The following OPN5 variants were observed in gnomAD, a reference collection of about 807,000 sequenced individuals.
The protein encoded by OPN5 is opsin-5.
A neutral mutation model predicts 41.7 loss-of-function variants in OPN5; 18 were observed. That is an observed-to-expected ratio of 0.43 (90% confidence interval 0.30 to 0.64). The LOEUF (loss-of-function observed/expected upper bound fraction) is 0.64, where lower values mean the gene tolerates loss of function less well. Ranked by LOEUF, OPN5 falls within the 30% of genes least tolerant of loss-of-function variation. The probability of loss-of-function intolerance (pLI) is 0.13; values close to 1 mark genes in which losing one functional copy is unlikely to be tolerated. For synonymous variants in OPN5, 178 were observed against 164.3 expected, an observed-to-expected ratio of 1.08 and a Z score of -0.64; for missense variants, 318 against 434.5, an observed-to-expected ratio of 0.73 and a Z score of 2.38.
At position 47,813,107 on chromosome 6, in the gene OPN5, C is replaced by CAA. The variant is rs748382327; in HGVS notation, c.1056+1377_1056+1378dup. ...ACAACAACAACAACAACAACAACAA[C>CAA]AACAACAAGCAACAACTCTGCTTGG... On this transcript the variant is annotated intron_variant, in intron 6 of 6. Transcript: ENST00000371211. 2.7e-5 allele frequency among the ~76,000 whole-genome samples: 3 copies of CAA among 111,736 alleles called. No individual in the cohort carries two copies. In the South Asian group the frequency reaches 8.5e-4, roughly 32 times the overall value. The allele number at this position is 111,736 out of a possible 152,430, so 73.3% of individuals were successfully genotyped here.
intron 4 of OPN5, 99 bp from the exon 5 acceptor site, chr6:47,808,055 C>G: frequency 9.2e-7 from 1 of 1,086,632 alleles, no homozygotes; most frequent in Non-Finnish European, 1.4e-6. Context: ...ACTTTCTTGG[C>G]TGTGAGAGGT....
At chr6:47,826,078 T>C (rs1414524827), downstream of OPN5, 1 of 152,280 alleles carries the variant, frequency 6.6e-6, no homozygotes, top group African/African-American at 2.4e-5. Flanking sequence ...TTAATATCTT[T>C]TAAAAAATTT....
intron 6 of OPN5, among the ~76,000 whole-genome samples, chr6:47,816,233 G>A (rs1367687349): frequency 6.6e-6 from 1 of 152,104 alleles, no homozygotes; most frequent in Non-Finnish European, 1.5e-5. Flanking sequence ...GTTCCTTAGG[G>A]ATTTGAGGGC....
At chr6:47,791,994 T>C (rs762809295) in intron 3 of OPN5, 22 bp downstream of exon 3, 4 of 1,585,542 alleles carry the variant, frequency 2.5e-6, no homozygotes, top group Non-Finnish European at 3.5e-6. Flanking sequence ...GGTTTCTCAT[T>C]CCCTGACAGT....
intron 6 of OPN5, among the ~76,000 whole-genome samples, chr6:47,812,149 G>T (rs1762262489): frequency 6.6e-6 from 1 of 152,052 alleles, no homozygotes; most frequent in South Asian, 2.1e-4. Flanking sequence ...CATGTATGTT[G>T]GGCCATGGCT....
rs1475109990 is a variant in OPN5, at chr6:47,823,933, C to T, written c.1057-50C>T. 2.8e-6 allele frequency: 4 copies of T among 1,451,800 alleles called. No individual in the cohort carries two copies. The Admixed American group carries it at 5.9e-5, about 21-fold the overall frequency. 89.9% of individuals were successfully genotyped at this position (1,451,800 alleles called of 1,614,324 possible). ...TGAATTTAGTTTTGGACTTTCTCCA[C>T]TTACTGGCTGTGTGCCTCACCCTAA... On this transcript the variant is annotated intron_variant, in intron 6 of 6. Coordinates refer to ENST00000371211, the Ensembl canonical transcript of OPN5.
At chr6:47,789,616 G>GCC (rs1308891749) in intron 2 of OPN5, among the ~76,000 whole-genome samples, 2 of 152,108 alleles carry the variant, frequency 1.3e-5, no homozygotes, top group African/African-American at 4.8e-5. Context: ...TCATATGAGG[G>GCC]CACCTAGTCT....
chr6:47,792,895 T>C (rs1773425534), intron 3 of OPN5, among the ~76,000 whole-genome samples: 1 of 152,136 alleles, frequency 6.6e-6, no homozygotes, highest in Admixed American at 6.5e-5. Flanking sequence ...ATTGTTATAG[T>C]TTACATCCCC....
At chr6:47,795,653 A>T in intron 4 of OPN5, 90 bp downstream of exon 4, 2 of 849,686 alleles carry the variant, frequency 2.4e-6, no homozygotes, top group Non-Finnish European at 3.8e-6. Flanking sequence ...GACTGAGAGA[A>T]CTTAGAATCT....
intron 3 of OPN5, 66 bp downstream of exon 3, chr6:47,792,038 A>C (rs1040291158): frequency 9.0e-7 from 1 of 1,112,542 alleles, no homozygotes; most frequent in African/African-American, 1.6e-5. Context: ...AGAACTGTAC[A>C]TATTTTATGC....
chr6:47,795,832 T>A (rs952300629), intron 4 of OPN5, among the ~76,000 whole-genome samples: 3 of 151,156 alleles, frequency 2.0e-5, no homozygotes, highest in African/African-American at 7.3e-5. Context: ...TCTACAAAAT[T>A]TGTATAACCC....
intron 2 of OPN5, among the ~76,000 whole-genome samples, chr6:47,790,790 C>T (rs1029059595): frequency 3.9e-5 from 6 of 152,102 alleles, no homozygotes; most frequent in African/African-American, 1.4e-4. Context: ...GTAGCTAGTT[C>T]ACTGCTTCTC....
chr6:47,792,456 G>T (rs565137098), intron 3 of OPN5, among the ~76,000 whole-genome samples: 83 of 152,310 alleles, frequency 5.4e-4, no homozygotes, highest in African/African-American at 2.0e-3. Context: ...GTTTCTGCAT[G>T]AAAGGACACA....
intron 4 of OPN5, among the ~76,000 whole-genome samples, chr6:47,801,776 C>T (rs1264681232): frequency 6.6e-6 from 1 of 151,218 alleles, no homozygotes; most frequent in East Asian, 2.0e-4. Context: ...TTCTTTGTTA[C>T]CACTACTTGA....
chr6:47,824,882 T>C (rs975995350), downstream of OPN5: 1 of 152,186 alleles, frequency 6.6e-6, no homozygotes, highest in African/African-American at 2.4e-5. Context: ...AAAATAGCTT[T>C]TTCCCTTCTT....
intron 6 of OPN5, among the ~76,000 whole-genome samples, chr6:47,814,106 A>C (rs892549214): frequency 6.6e-6 from 1 of 152,150 alleles, no homozygotes; most frequent in Non-Finnish European, 1.5e-5. Flanking sequence ...TAGAACAAAA[A>C]TGCTAAAAGA....
intron 4 of OPN5, among the ~76,000 whole-genome samples, chr6:47,804,218 G>C (rs1773877626): frequency 6.6e-6 from 1 of 152,076 alleles, no homozygotes; most frequent in Non-Finnish European, 1.5e-5. Flanking sequence ...CATGTACCCT[G>C]TGAATTTCCG....
At chr6:47,805,703 T>A (rs566625439) in intron 4 of OPN5, among the ~76,000 whole-genome samples, 1 of 152,224 alleles carries the variant, frequency 6.6e-6, no homozygotes, top group African/African-American at 2.4e-5. Flanking sequence ...GAAAAACACA[T>A]CCAATTAACT....
intron 2 of OPN5, among the ~76,000 whole-genome samples, chr6:47,789,302 A>C (rs1773292350): frequency 6.6e-6 from 1 of 152,132 alleles, no homozygotes; most frequent in Non-Finnish European, 1.5e-5. Flanking sequence ...CTTTATGTAA[A>C]ACAACAGTTT....
Sources: allele counts gnomAD v4.1 joint callset (sites outside exome capture counted in the v4.1 genomes callset), GRCh38; gene constraint gnomAD v4.1.1; transcripts MANE v1.5; gene names NCBI Gene and HGNC (gene_info 2026-07-23, HGNC 2026-07-21).